APBB2: variants seen among roughly 807,000 people sequenced by gnomAD.
APBB2 encodes the protein amyloid beta precursor protein binding family B member 2.
A neutral mutation model predicts 82.5 loss-of-function variants in APBB2; 38 were observed. The observed-to-expected ratio is 0.46, with a 90% CI of 0.36 to 0.60. The LOEUF is 0.60. APBB2 is among the 20% of genes least tolerant of loss of function. The pLI, the probability that APBB2 is intolerant of heterozygous loss-of-function variation, is 0.00. For synonymous variants in APBB2, 341 were observed against 368.2 expected (o/e 0.93, Z 0.85); for missense variants, 772 against 972.3 (o/e 0.79, Z 2.74).
intron 12 of APBB2, chr4:40,857,064 C>A (rs578228580): frequency 1.0e-6 from 1 of 985,582 alleles, no homozygotes; most frequent in East Asian, 1.1e-4. Flanking sequence ...GCGGGGATGC[C>A]GCCCCAGGTG....
At chr4:41,150,430 G>GT (rs1761964153) in intron 1 of APBB2, among the ~76,000 whole-genome samples, 2 of 152,186 alleles carry the variant, frequency 1.3e-5, no homozygotes, top group South Asian at 4.1e-4. Flanking sequence ...TGGAAACAGT[G>GT]AAGTCTAGAT....
chr4:40,881,148 A>G (rs1768361968), intron 12 of APBB2: 2 of 985,334 alleles, frequency 2.0e-6, no homozygotes, highest in Admixed American at 6.1e-5. Context: ...GGTCAAGTAA[A>G]TCGTGATGCC....
At chr4:41,138,720 C>T (rs1223582672) in intron 2 of APBB2, among the ~76,000 whole-genome samples, 1 of 152,158 alleles carries the variant, frequency 6.6e-6, no homozygotes, top group African/African-American at 2.4e-5. Context: ...TTGTATTTCT[C>T]ACATCACACT....
chr4:40,855,029 C>T (rs1306839971), intron 12 of APBB2, among the ~76,000 whole-genome samples: 2 of 152,220 alleles, frequency 1.3e-5, no homozygotes, highest in Admixed American at 6.5e-5. Context: ...AGATGACCGA[C>T]TTTAGTGCCC....
chr4:41,025,851 G>A (rs981101304), intron 5 of APBB2, among the ~76,000 whole-genome samples: 20 of 149,342 alleles, frequency 1.3e-4, no homozygotes, highest in Admixed American at 1.3e-3. Context: ...AGCTGGGATG[G>A]TGGGGGGTAG....
Position 40,934,509 on chromosome 4 carries a change from G to T in APBB2, c.1201C>A (p.Pro401Thr). The change falls in exon 10 of 18, where the codon CCA becomes ACA. Residue 401 changes from proline to threonine, a missense_variant. Transcript: ENST00000508593. ...RYASLKLRNAPHPDDDDSCSI... is the reference protein window; with the variant it reads ...RYASLKLRNATHPDDDDSCSI... ...CAAGAATCATCATCATCAGGGTGTGGGGCATTTCTAGGCAGAAAAACAGAA... is the reference window on the plus strand; with the variant it reads ...CAAGAATCATCATCATCAGGGTGTGTGGCATTTCTAGGCAGAAAAACAGAA... The T allele has an allele frequency of 6.2e-7, 1 of 1,614,092 alleles. No individual in the cohort carries two copies. Among genetic ancestry groups the T allele is most frequent in the African/African-American group, 1.3e-5 (1 of 75,026 alleles).
At chr4:40,819,573 C>G (rs562746890) in intron 17 of APBB2, among the ~76,000 whole-genome samples, 61 of 151,818 alleles carry the variant, frequency 4.0e-4, no homozygotes, top group African/African-American at 1.4e-3. Flanking sequence ...GGGAGGAGTT[C>G]AAGACCAACC....
chr4:41,008,574 G>T lies in APBB2; in HGVS notation c.835+5009C>A, dbSNP rs1172184480. ...TCGTAACTCAGAGTCCAAAATATAG[G>T]TAATTCATAATTAAGAGAAAAGCAA... On this transcript the variant is annotated intron_variant, in intron 6 of 17. Coordinates refer to ENST00000508593, the MANE Select transcript of APBB2 (RefSeq NM_004307.2). 4.6e-5 allele frequency among the ~76,000 whole-genome samples: 7 copies of T among 152,096 alleles called. No homozygotes were observed. In the East Asian group the frequency reaches 1.3e-3, roughly 29 times the overall value.
intron 4 of APBB2, among the ~76,000 whole-genome samples, chr4:41,056,089 A>G (rs1727741437): frequency 6.6e-6 from 1 of 152,162 alleles, no homozygotes; most frequent in African/African-American, 2.4e-5. Flanking sequence ...CTGAGGCAGG[A>G]GAAGCACTTG....
chr4:41,200,918 C>A (rs1200928472), intron 1 of APBB2, among the ~76,000 whole-genome samples: 1 of 152,168 alleles, frequency 6.6e-6, no homozygotes, highest in Non-Finnish European at 1.5e-5. Context: ...TGAGTGCTTT[C>A]TCCTTTGCAA....
chr4:40,981,389 AAAG>A (rs1414328504), intron 6 of APBB2, among the ~76,000 whole-genome samples: 5 of 59,876 alleles, frequency 8.4e-5, no homozygotes, highest in South Asian at 9.6e-4. Context: ...TCAAAAAAAA[AAAG>A]AGACAGAGCA....
At chr4:41,210,833 T>C (rs1779133921) in intron 1 of APBB2, among the ~76,000 whole-genome samples, 1 of 152,278 alleles carries the variant, frequency 6.6e-6, no homozygotes, top group Admixed American at 6.5e-5. Context: ...TTTAAAGCTC[T>C]ATTGCTGTGA....
chr4:40,865,143 C>T (rs1763751112), intron 12 of APBB2, among the ~76,000 whole-genome samples: 1 of 152,110 alleles, frequency 6.6e-6, no homozygotes, highest in South Asian at 2.1e-4. Context: ...CAGGTGTGAG[C>T]CACCACGCCT....
At chr4:41,157,242 A>G (rs1276668586) in intron 1 of APBB2, among the ~76,000 whole-genome samples, 1 of 152,156 alleles carries the variant, frequency 6.6e-6, no homozygotes, top group Non-Finnish European at 1.5e-5. Context: ...TGGTGCAGGC[A>G]GGTCAGCACA....
chr4:40,954,971 A>G (rs1341444430), intron 6 of APBB2, among the ~76,000 whole-genome samples: 2 of 76,142 alleles, frequency 2.6e-5, no homozygotes, highest in Middle Eastern at 6.2e-3. Context: ...TTTTCCATCA[A>G]ACTCTATCTA....
At chr4:41,101,731 G>T (rs1023262527) in intron 2 of APBB2, among the ~76,000 whole-genome samples, 1 of 151,938 alleles carries the variant, frequency 6.6e-6, no homozygotes, top group African/African-American at 2.4e-5. Context: ...AGGCCCAGGC[G>T]GGCGGATCAC....
intron 4 of APBB2, among the ~76,000 whole-genome samples, chr4:41,059,921 A>G (rs1729196369): frequency 6.6e-6 from 1 of 151,892 alleles, no homozygotes; most frequent in South Asian, 2.1e-4. Flanking sequence ...CAGAGGTTGC[A>G]GTGAGTCAAG....
chr4:40,927,325 G>T (rs1263808825), intron 10 of APBB2, among the ~76,000 whole-genome samples: 2 of 152,092 alleles, frequency 1.3e-5, no homozygotes, highest in African/African-American at 2.4e-5. Context: ...GCGGTCAGAG[G>T]CCCAGAAGAC....
At chr4:41,080,531 G>C (rs142725127) in intron 3 of APBB2, among the ~76,000 whole-genome samples, 16 of 152,256 alleles carry the variant, frequency 1.1e-4, no homozygotes, top group African/African-American at 3.6e-4. Context: ...ACCCGATAAA[G>C]AGGGCTTGCA....
Sources: gnomAD v4.1 joint callset for allele counts (sites outside exome capture counted in the v4.1 genomes callset) on GRCh38, gnomAD v4.1.1 for gene constraint, MANE v1.5 for transcripts, NCBI Gene and HGNC (gene_info 2026-07-23, HGNC 2026-07-21) for gene names.